The following PIK3C2A variants were observed in gnomAD, a reference collection of about 807,000 sequenced individuals.
PIK3C2A encodes phosphatidylinositol 4-phosphate 3-kinase C2 domain-containing subunit alpha.
In PIK3C2A, 97 loss-of-function variants were observed where a neutral mutation model predicts 204.5. The observed-to-expected ratio is 0.47, with a 90% CI of 0.40 to 0.56. PIK3C2A has a LOEUF of 0.56. Ranked by LOEUF, PIK3C2A falls within the 20% of genes least tolerant of loss-of-function variation. The pLI is 0.00. For missense variants in PIK3C2A, 1,735 were observed against 1,969.2 expected (o/e 0.88, Z 2.25); for synonymous variants, 653 against 664.4 (o/e 0.98, Z 0.26).
chr11:17,155,425 G>C (rs1359411035), intron 3 of PIK3C2A, 101 bp downstream of exon 3: 1 of 604,108 alleles, frequency 1.7e-6, no homozygotes, highest in African/African-American at 1.9e-5. Context: ...TTAGCCACAA[G>C]AAGAAAATAA....
At chr11:17,157,747 T>C (rs769970392) in intron 2 of PIK3C2A, among the ~76,000 whole-genome samples, 3 of 152,212 alleles carry the variant, frequency 2.0e-5, no homozygotes, top group East Asian at 3.9e-4. Flanking sequence ...CCCCATTGTA[T>C]TGACCTCAGT....
intron 28 of PIK3C2A, among the ~76,000 whole-genome samples, chr11:17,093,889 G>A (rs1248442901): frequency 2.0e-5 from 3 of 152,078 alleles, no homozygotes; most frequent in Middle Eastern, 3.4e-3. Context: ...TCCCTGCCTC[G>A]GCCTCCCAAA....
chr11:17,114,123 G>A (rs1590922587), intron 20 of PIK3C2A, among the ~76,000 whole-genome samples: 2 of 102,560 alleles, frequency 2.0e-5, no homozygotes, highest in African/African-American at 3.2e-5. Context: ...AAAAAGGTGA[G>A]ACCAATTTAA....
intron 32 of PIK3C2A, among the ~76,000 whole-genome samples, chr11:17,090,730 T>C (rs1315855650): frequency 6.6e-6 from 1 of 151,958 alleles, no homozygotes; most frequent in Admixed American, 6.6e-5. Context: ...AACTGATACC[T>C]AAAAACTTAA....
intron 2 of PIK3C2A, among the ~76,000 whole-genome samples, chr11:17,159,311 T>C (rs1850703617): frequency 1.3e-5 from 2 of 152,212 alleles, no homozygotes; most frequent in African/African-American, 4.8e-5. Context: ...CCACACACAT[T>C]TTTTAACAAA....
chr11:17,192,970 T>C (rs1049283045), intron 1 of PIK3C2A, among the ~76,000 whole-genome samples: 3 of 152,254 alleles, frequency 2.0e-5, no homozygotes, highest in African/African-American at 7.2e-5. Flanking sequence ...TCCTCATGAC[T>C]ACGACTGTGG....
Position 17,132,774 on chromosome 11 carries a change from T to G in PIK3C2A, c.2109-736A>C, listed in dbSNP as rs371480679. ...ATTTTCCTTTGCTAAGCTACTGAAATAGAGTCAGCTAAGCATGTGCCTGAC... is the reference window on the plus strand; with the variant it reads ...ATTTTCCTTTGCTAAGCTACTGAAAGAGAGTCAGCTAAGCATGTGCCTGAC... On this transcript the variant is annotated intron_variant, in intron 11 of 32. Transcript: ENST00000691414. 3.9e-5 allele frequency among the ~76,000 whole-genome samples: 6 copies of G among 152,316 alleles called. No individual in the cohort carries two copies. In the East Asian group the frequency reaches 5.8e-4, roughly 15 times the overall value.
Position 17,139,117 on chromosome 11 carries a change from T to C in PIK3C2A, c.1705-2492A>G, listed in dbSNP as rs377074795. ...AAGTAGAGACGAGGTTTCACCACGT[T>C]GGCCAGGCTGGTCTCAAACTCCTGA... On this transcript the variant is annotated intron_variant, in intron 8 of 32. Transcript: ENST00000691414. 3.2e-3 allele frequency among the ~76,000 whole-genome samples: 488 copies of C among 152,270 alleles called. 3 individuals carry two copies. Among genetic ancestry groups the C allele is most frequent in the African/African-American group, 0.011 (463 of 41,562 alleles).
chr11:17,115,098 T>C (rs111724486), intron 19 of PIK3C2A, among the ~76,000 whole-genome samples: 88 of 152,262 alleles, frequency 5.8e-4, no homozygotes, highest in African/African-American at 2.0e-3. Context: ...AACTGCCTTT[T>C]TGCAGCAATG....
intron 6 of PIK3C2A, 81 bp downstream of exon 6, chr11:17,147,436 A>G (rs1850276535): frequency 1.3e-6 from 1 of 750,424 alleles, no homozygotes; most frequent in Non-Finnish European, 2.3e-6. Flanking sequence ...ATCATGAAAA[A>G]TGTACAAGTT....
rs370124912 is a variant in PIK3C2A at position 17,169,209 on chromosome 11, G to A, written c.533C>T (p.Thr178Ile). ...ATATATAGGTTCTGTAGATGGAAAA[G>A]TGGGCATTCTTGGATTGAAGCCATT... is the stretch of plus-strand genomic sequence containing the variant. Reference protein sequence around the residue: ...FQNGFNPRMPTFPSTEPIYLS... With the variant: ...FQNGFNPRMPIFPSTEPIYLS... Residue 178 changes from threonine (T) to isoleucine (I), a missense_variant, in exon 2 of 33, where the codon ACT becomes ATT. Thr to Ile is a moderately conservative substitution (Grantham distance 89). This residue lies in a region of PIK3C2A where 536 missense variants were observed against 546.7 expected (regional missense o/e 0.98). Coordinates refer to ENST00000691414, the MANE Select transcript of PIK3C2A (RefSeq NM_002645.4). 6 of 1,614,014 alleles carry A rather than the reference G, an allele frequency of 3.7e-6. No individual in the cohort carries two copies. In the African/African-American group the frequency reaches 8.0e-5, roughly 22 times the overall value.
intron 1 of PIK3C2A, among the ~76,000 whole-genome samples, chr11:17,200,224 G>A (rs975177854): frequency 4.0e-5 from 6 of 151,200 alleles, no homozygotes; most frequent in East Asian, 1.9e-4. Flanking sequence ...CGTCTTGATC[G>A]AAATCTTCAT....
intron 4 of PIK3C2A, 132 bp downstream of exon 4, chr11:17,150,366 G>A (rs1159307272): frequency 7.7e-6 from 5 of 648,722 alleles, no homozygotes; most frequent in East Asian, 3.2e-5. Context: ...TAGTTCTAAC[G>A]AGAAAACTAT....
At chr11:17,124,240 C>T (rs1386743532) in intron 13 of PIK3C2A, among the ~76,000 whole-genome samples, 2 of 152,116 alleles carry the variant, frequency 1.3e-5, no homozygotes, top group Admixed American at 6.6e-5. Context: ...ATTATTTCAT[C>T]TACAAATACT....
At chr11:17,125,247 T>C (rs1014686289) in intron 13 of PIK3C2A, among the ~76,000 whole-genome samples, 1 of 152,124 alleles carries the variant, frequency 6.6e-6, no homozygotes, top group South Asian at 2.1e-4. Flanking sequence ...CTGGGAGTGA[T>C]TTTCCTTCCA....
chr11:17,161,113 G>C (rs1260470438), intron 2 of PIK3C2A, among the ~76,000 whole-genome samples: 1 of 152,146 alleles, frequency 6.6e-6, no homozygotes, highest in Non-Finnish European at 1.5e-5. Flanking sequence ...TTAATACTCT[G>C]TAAAGTAGTT....
chr11:17,188,525 A>G (rs1470544423), intron 1 of PIK3C2A, among the ~76,000 whole-genome samples: 1 of 146,936 alleles, frequency 6.8e-6, no homozygotes, highest in African/African-American at 2.7e-5. Context: ...GACTTTTAAG[A>G]AATTTTTAAT....
At chr11:17,126,306 G>A (rs1005475911) in intron 13 of PIK3C2A, among the ~76,000 whole-genome samples, 15 of 151,942 alleles carry the variant, frequency 9.9e-5, no homozygotes, top group Admixed American at 3.9e-4. Context: ...CTGAGCTACC[G>A]GATGGGATCG....
At chr11:17,110,128 TTTTTAGTAGAAACAG>T (rs1848950689) in intron 22 of PIK3C2A, among the ~76,000 whole-genome samples, 1 of 151,966 alleles carries the variant, frequency 6.6e-6, no homozygotes, top group Non-Finnish European at 1.5e-5. Context: ...AATTTTTGCA[TTTTTAGTAGAAACAG>T]GGTTTCACCA....
Sources: allele counts gnomAD v4.1 joint callset (sites outside exome capture counted in the v4.1 genomes callset), GRCh38; gene constraint gnomAD v4.1.1; regional missense constraint gnomAD v4.1.1; transcripts MANE v1.5; gene names NCBI Gene and HGNC (gene_info 2026-07-23, HGNC 2026-07-21).